Variants in FBN2 observed in about 807,000 individuals in gnomAD.
The protein encoded by FBN2 is fibrillin 2.
Under a neutral mutation model 355.6 loss-of-function variants are expected in FBN2, and 105 were observed. The observed-to-expected ratio is 0.30, with a 90% CI of 0.25 to 0.35. FBN2 has a LOEUF of 0.35. FBN2 is among the 10% of genes least tolerant of loss of function. The pLI is 1.00. For synonymous variants in FBN2, 1,350 were observed against 1,301.2 expected (o/e 1.04, Z -0.81); for missense variants, 3,280 against 3,758.7 (o/e 0.87, Z 3.33).
rs886059904 is a variant in FBN2 at position 128,527,932 on chromosome 5, T to A, written c.472A>T (p.Thr158Ser). ...QCSVRCMNGG[T>S]CADDHCQCQK... ...CACTGGCAGTGGTCATCTGCACAGG[T>A]CCCACCATTCATGCATCTCACACTG... Residue 158 changes from threonine to serine, a missense_variant, in exon 4 of 65, where the codon ACC becomes TCC. This residue lies in a region of FBN2 where 130 missense variants were observed against 189.9 expected (regional missense o/e 0.68). Coordinates refer to ENST00000262464, the MANE Select transcript of FBN2 (RefSeq NM_001999.4). 2 of 1,612,584 alleles carry A rather than the reference T, an allele frequency of 1.2e-6. No individual in the cohort carries two copies. The highest frequency in any genetic ancestry group is 1.7e-6 in the Non-Finnish European group (2 of 1,179,080).
chr5:128,496,763 T>C (rs1280720438), intron 5 of FBN2, among the ~76,000 whole-genome samples: 1 of 151,750 alleles, frequency 6.6e-6, no homozygotes, highest in Non-Finnish European at 1.5e-5. Flanking sequence ...TATTATAAAA[T>C]ATACATTATG....
intron 11 of FBN2, among the ~76,000 whole-genome samples, chr5:128,390,556 T>A (rs911941018): frequency 2.0e-5 from 3 of 152,216 alleles, no homozygotes; most frequent in Non-Finnish European, 2.9e-5. Flanking sequence ...TTAATAATAA[T>A]CTTGGCCCTT....
chr5:128,410,800 C>T (rs1303150595), intron 7 of FBN2, among the ~76,000 whole-genome samples: 2 of 152,092 alleles, frequency 1.3e-5, no homozygotes, highest in South Asian at 4.1e-4. Context: ...ATGTGTTTCA[C>T]AATTCTCCTT....
intron 4 of FBN2, among the ~76,000 whole-genome samples, chr5:128,522,843 C>T (rs1180751549): frequency 6.6e-6 from 1 of 152,118 alleles, no homozygotes; most frequent in Non-Finnish European, 1.5e-5. Flanking sequence ...AGAAGGAACG[C>T]TGACCACTCA....
intron 25 of FBN2, among the ~76,000 whole-genome samples, chr5:128,342,153 G>A (rs1751040579): frequency 6.6e-6 from 1 of 152,154 alleles, no homozygotes; most frequent in Non-Finnish European, 1.5e-5. Flanking sequence ...CTGAAGTCAT[G>A]ATGGTAGATG....
intron 23 of FBN2, among the ~76,000 whole-genome samples, chr5:128,346,404 T>C (rs1316124594): frequency 6.6e-6 from 1 of 152,232 alleles, no homozygotes; most frequent in East Asian, 1.9e-4. Context: ...AATAGCATGA[T>C]TTCTTTGATA....
chr5:128,512,644 T>C (rs1383794942), intron 5 of FBN2, among the ~76,000 whole-genome samples: 2 of 152,108 alleles, frequency 1.3e-5, no homozygotes, highest in Non-Finnish European at 2.9e-5. Flanking sequence ...AAATCTCATC[T>C]CAGGATTGTG....
chr5:128,393,675 C>T (rs545264190), intron 9 of FBN2, among the ~76,000 whole-genome samples: 50 of 152,218 alleles, frequency 3.3e-4, no homozygotes, highest in Non-Finnish European at 6.0e-4. Context: ...ATTATAAATA[C>T]AGAAAATTTA....
intron 58 of FBN2, among the ~76,000 whole-genome samples, chr5:128,277,079 C>T (rs944216020): frequency 6.6e-6 from 1 of 152,168 alleles, no homozygotes; most frequent in Admixed American, 6.5e-5. Flanking sequence ...TACTCATGCT[C>T]TTCTGTTTCA....
intron 20 of FBN2, among the ~76,000 whole-genome samples, chr5:128,356,008 T>C (rs1011300255): frequency 1.9e-4 from 29 of 152,232 alleles, no homozygotes; most frequent in African/African-American, 7.0e-4. Flanking sequence ...AGATTTAGTT[T>C]TCTGAGACAT....
chr5:128,403,136 T>C (rs144491176), intron 8 of FBN2, among the ~76,000 whole-genome samples: 4 of 152,254 alleles, frequency 2.6e-5, no homozygotes, highest in South Asian at 2.1e-4. Context: ...CAGCGTTACA[T>C]AGAGTGCTGT....
chr5:128,282,803 T>C (rs1749012569), intron 55 of FBN2, among the ~76,000 whole-genome samples: 1 of 152,170 alleles, frequency 6.6e-6, no homozygotes, highest in Non-Finnish European at 1.5e-5. Flanking sequence ...GACCTTTCCA[T>C]TGTCCATCAC....
intron 5 of FBN2, among the ~76,000 whole-genome samples, chr5:128,487,824 G>A (rs1356151417): frequency 6.6e-6 from 1 of 152,092 alleles, no homozygotes; most frequent in Non-Finnish European, 1.5e-5. Flanking sequence ...TTCCAAATTT[G>A]AGCATCCATA....
intron 5 of FBN2, among the ~76,000 whole-genome samples, chr5:128,486,303 C>A (rs1755336599): frequency 6.6e-6 from 1 of 152,064 alleles, no homozygotes; most frequent in Non-Finnish European, 1.5e-5. Context: ...CCACTGTACC[C>A]CCATATCATA....
At chr5:128,270,595 A>AG (rs1765244239) in intron 62 of FBN2, among the ~76,000 whole-genome samples, 1 of 152,234 alleles carries the variant, frequency 6.6e-6, no homozygotes, top group Non-Finnish European at 1.5e-5. Flanking sequence ...GCATGGGCAA[A>AG]GACTTCATGA....
chr5:128,410,303 T>A (rs1753031164), intron 7 of FBN2, among the ~76,000 whole-genome samples: 1 of 152,214 alleles, frequency 6.6e-6, no homozygotes, highest in African/African-American at 2.4e-5. Flanking sequence ...CAGTGCATCT[T>A]AATACAACTG....
At chr5:128,268,520 T>C (rs1765177577) in intron 62 of FBN2, among the ~76,000 whole-genome samples, 1 of 152,210 alleles carries the variant, frequency 6.6e-6, no homozygotes, top group Non-Finnish European at 1.5e-5. Flanking sequence ...CCCTGACTCA[T>C]TTTATGAAGG....
intron 5 of FBN2, among the ~76,000 whole-genome samples, chr5:128,505,468 T>C (rs148794250): frequency 2.0e-4 from 31 of 152,282 alleles, no homozygotes; most frequent in African/African-American, 7.5e-4. Flanking sequence ...TTAACAGCTT[T>C]CCCGAGGTAT....
At chr5:128,397,091 C>A (rs1341409578) in intron 8 of FBN2, among the ~76,000 whole-genome samples, 1 of 152,080 alleles carries the variant, frequency 6.6e-6, no homozygotes, top group Non-Finnish European at 1.5e-5. Context: ...CCCAGTAAGA[C>A]CCAAAACCGA....
Sources: allele counts gnomAD v4.1 joint callset (sites outside exome capture counted in the v4.1 genomes callset), GRCh38; gene constraint gnomAD v4.1.1; regional missense constraint gnomAD v4.1.1; transcripts MANE v1.5; gene names NCBI Gene and HGNC (gene_info 2026-07-23, HGNC 2026-07-21).